Variants in STAB2 observed in about 807,000 individuals in gnomAD.
The protein encoded by STAB2 is stabilin 2.
A neutral mutation model predicts 338.1 loss-of-function variants in STAB2; 288 were observed. The observed-to-expected ratio is 0.85, with a 90% CI of 0.77 to 0.94. The LOEUF is 0.94. STAB2 is among the 40% of genes least tolerant of loss of function. The pLI is 0.00. For missense variants in STAB2, 3,141 were observed against 3,210.1 expected (o/e 0.98, Z 0.52); for synonymous variants, 1,202 against 1,193.3 (o/e 1.01, Z -0.15).
chr12:103,725,380 T>C (rs568078787), intron 45 of STAB2, among the ~76,000 whole-genome samples: 148 of 152,346 alleles, frequency 9.7e-4, no homozygotes, highest in Non-Finnish European at 1.7e-3. Flanking sequence ...ACTTTGAGCA[T>C]ATTATGTCAC....
intron 55 of STAB2, among the ~76,000 whole-genome samples, chr12:103,741,887 G>A (rs1882614311): frequency 6.6e-6 from 1 of 152,182 alleles, no homozygotes; most frequent in African/African-American, 2.4e-5. Flanking sequence ...TAATCTCACT[G>A]AGAATACTCT....
At chr12:103,593,823 T>A (rs542931833) in intron 2 of STAB2, among the ~76,000 whole-genome samples, 2 of 152,352 alleles carry the variant, frequency 1.3e-5, no homozygotes, top group Non-Finnish European at 2.9e-5. Context: ...TTAACCTCCA[T>A]AGAATTGTTA....
intron 41 of STAB2, 37 bp downstream of exon 41, chr12:103,712,480 A>G (rs777794638): frequency 6.8e-7 from 1 of 1,478,296 alleles, no homozygotes; most frequent in Admixed American, 1.7e-5. Flanking sequence ...GGGGCTGGCA[A>G]GGCTTGCACA....
chr12:103,603,862 C>T (rs1593128695), intron 3 of STAB2, among the ~76,000 whole-genome samples: 2 of 152,154 alleles, frequency 1.3e-5, no homozygotes, highest in South Asian at 2.1e-4. Context: ...CCGTAGCTCT[C>T]CATTTACTTA....
rs748167701 is a variant in STAB2, at chr12:103,712,407, G to A, written c.4375G>A (p.Ala1459Thr). ...NSDGTASCKC[A>T]AGFQGNGTIC... is the part of the protein sequence containing the mutation. ...AGATGGTACAGCTTCATGCAAGTGT[G>A]CAGCAGGATTCCAAGGAAACGGGAC... The change falls in exon 41 of 69, where the codon GCA (alanine) becomes ACA (threonine). Residue 1459 changes from alanine to threonine, a missense_variant. By Grantham distance (58) the Ala-to-Thr change is moderately conservative. Transcript: ENST00000388887. 2 of 1,614,106 alleles carry A rather than the reference G, an allele frequency of 1.2e-6. No homozygotes were observed. The highest frequency in any genetic ancestry group is 2.2e-5 in the East Asian group (1 of 44,890).
chr12:103,766,099 C>T (rs1264888715), intron 68 of STAB2, 187 bp from the exon 69 acceptor site: 2 of 748,932 alleles, frequency 2.7e-6, no homozygotes, highest in South Asian at 1.5e-5. Flanking sequence ...GAGACTAAAA[C>T]AGGTGGCCCT....
chr12:103,766,213 T>C, intron 68 of STAB2, 73 bp from the exon 69 acceptor site: 3 of 1,588,686 alleles, frequency 1.9e-6, no homozygotes, highest in Non-Finnish European at 2.6e-6. Flanking sequence ...CTCAGACCAG[T>C]GGCCACCAGA....
intron 9 of STAB2, among the ~76,000 whole-genome samples, chr12:103,640,824 C>A (rs896350408): frequency 6.6e-6 from 1 of 152,138 alleles, no homozygotes; most frequent in Non-Finnish European, 1.5e-5. Flanking sequence ...CTGATACCTA[C>A]CAGATGCATG....
intron 52 of STAB2, among the ~76,000 whole-genome samples, chr12:103,736,679 T>C (rs963386601): frequency 6.6e-6 from 1 of 152,040 alleles, no homozygotes; most frequent in Non-Finnish European, 1.5e-5. Context: ...TCCTTTACTC[T>C]ATTTACCTGG....
intron 36 of STAB2, among the ~76,000 whole-genome samples, chr12:103,705,238 T>C (rs979567084): frequency 1.3e-5 from 2 of 152,240 alleles, no homozygotes; most frequent in African/African-American, 4.8e-5. Flanking sequence ...TATTATAATC[T>C]TTGTATGCAG....
chr12:103,705,868 A>T (rs935150665), intron 37 of STAB2, 141 bp downstream of exon 37: 1 of 770,028 alleles, frequency 1.3e-6, no homozygotes, highest in African/African-American at 1.7e-5. Context: ...ATTGTCATCC[A>T]ATGTAGTAGT....
intron 50 of STAB2, among the ~76,000 whole-genome samples, chr12:103,732,221 A>G (rs1010636151): frequency 6.6e-6 from 1 of 152,164 alleles, no homozygotes; most frequent in Non-Finnish European, 1.5e-5. Context: ...AGGCAGGAGA[A>G]TCACTTGAAC....
At chr12:103,670,339 C>T (rs1413755504) in intron 21 of STAB2, among the ~76,000 whole-genome samples, 1 of 152,166 alleles carries the variant, frequency 6.6e-6, no homozygotes. Context: ...AGAGAAAACA[C>T]TGCAGTTTGG....
intron 11 of STAB2, among the ~76,000 whole-genome samples, chr12:103,651,637 C>T (rs760032161): frequency 1.3e-5 from 2 of 152,008 alleles, no homozygotes; most frequent in Admixed American, 6.6e-5. Context: ...ATTGTGTGTT[C>T]TTGTCATCTG....
intron 2 of STAB2, among the ~76,000 whole-genome samples, chr12:103,592,720 T>G (rs1956818599): frequency 6.6e-6 from 1 of 152,200 alleles, no homozygotes; most frequent in African/African-American, 2.4e-5. Context: ...ACGCTTAACA[T>G]AAGATCTCCT....
In STAB2 at chr12:103,594,585, G is replaced by A. The variant is rs900865029; in HGVS notation, c.331+75G>A. The stretch of plus-strand genomic sequence containing the variant: ...TTGGTAGAAAATTGAGATGAAGGAA[G>A]CCCAATAAAAAGAAGAATGTTAACA... On this transcript the variant is annotated intron_variant, in intron 3 of 68. Transcript: ENST00000388887. 6.9e-6 allele frequency: 8 copies of A among 1,166,968 alleles called. No homozygotes were observed. The African/African-American group carries it at 1.1e-4, about 15-fold the overall frequency. The allele number at this position is 1,166,968 out of a possible 1,614,324, so 72.3% of individuals were successfully genotyped here.
chr12:103,708,612 T>C, intron 39 of STAB2, 76 bp downstream of exon 39: 2 of 1,348,188 alleles, frequency 1.5e-6, no homozygotes, highest in Non-Finnish European at 2.1e-6. Flanking sequence ...CTTTCTAAAA[T>C]ATAAATGACA....
At chr12:103,603,847 C>T (rs1036904380) in intron 3 of STAB2, among the ~76,000 whole-genome samples, 10 of 152,132 alleles carry the variant, frequency 6.6e-5, no homozygotes, top group Non-Finnish European at 1.3e-4. Context: ...CTGTGCATAA[C>T]GACCCCGTAG....
chr12:103,762,438 C>T (rs1884607579), intron 67 of STAB2, 36 bp downstream of exon 67: 1 of 1,613,866 alleles, frequency 6.2e-7, no homozygotes, highest in Non-Finnish European at 8.5e-7. Context: ...TGATGGGGTC[C>T]TCTCCAAAAA....
Sources: allele counts gnomAD v4.1 joint callset (sites outside exome capture counted in the v4.1 genomes callset), GRCh38; gene constraint gnomAD v4.1.1; transcripts MANE v1.5; gene names NCBI Gene and HGNC (gene_info 2026-07-23, HGNC 2026-07-21).